The following MICU1 variants were observed in gnomAD, a reference collection of about 807,000 sequenced individuals.
The protein encoded by MICU1 is calcium uptake protein 1, mitochondrial.
A neutral mutation model predicts 56.8 loss-of-function variants in MICU1; 45 were observed. The observed-to-expected ratio is 0.79, with a 90% CI of 0.62 to 1.02. The LOEUF (loss-of-function observed/expected upper bound fraction) is 1.02, where lower values mean the gene tolerates loss of function less well. MICU1 is among the 50% of genes least tolerant of loss of function. The pLI is 0.00. For missense variants in MICU1, 504 were observed against 587.1 expected (o/e 0.86, Z 1.46); for synonymous variants, 186 against 195.1 (o/e 0.95, Z 0.39).
intron 5 of MICU1, among the ~76,000 whole-genome samples, chr10:72,523,186 A>G (rs1245643168): frequency 6.6e-6 from 1 of 152,126 alleles, no homozygotes; most frequent in Non-Finnish European, 1.5e-5. Flanking sequence ...AAGCCATACA[A>G]TTATTAAAGG....
intron 6 of MICU1, among the ~76,000 whole-genome samples, chr10:72,479,784 C>T (rs1866234678): frequency 6.6e-6 from 1 of 152,144 alleles, no homozygotes; most frequent in South Asian, 2.1e-4. Flanking sequence ...GCCTCAGCTC[C>T]CCAAGGTGCT....
intron 5 of MICU1, among the ~76,000 whole-genome samples, chr10:72,526,664 C>T (rs553291719): frequency 6.6e-6 from 1 of 152,212 alleles, no homozygotes; most frequent in South Asian, 2.1e-4. Flanking sequence ...TCAAATGATG[C>T]TATATTTAAC....
intron 7 of MICU1, 138 bp downstream of exon 7, chr10:72,477,036 T>C: frequency 1.8e-6 from 1 of 551,306 alleles, no homozygotes; most frequent in Non-Finnish European, 3.1e-6. Context: ...AAGAATAATT[T>C]TGAGAAATGA....
chr10:72,564,955 C>T (rs1388265412), intron 2 of MICU1, among the ~76,000 whole-genome samples: 1 of 151,928 alleles, frequency 6.6e-6, no homozygotes, highest in African/African-American at 2.4e-5. Context: ...TAGTAACATC[C>T]CAGAAAGATC....
chr10:72,505,075 G>A (rs1867201048), intron 6 of MICU1, among the ~76,000 whole-genome samples: 1 of 151,824 alleles, frequency 6.6e-6, no homozygotes, highest in African/African-American at 2.4e-5. Flanking sequence ...CCGGGTTCAA[G>A]TGATTCTCCT....
At chr10:72,482,066 T>C (rs1385980447) in intron 6 of MICU1, among the ~76,000 whole-genome samples, 2 of 152,188 alleles carry the variant, frequency 1.3e-5, no homozygotes, top group African/African-American at 2.4e-5. Context: ...GAAAAAACCA[T>C]CTTTTTCTAT....
chr10:72,455,350 C>CAAAAAAAA (rs56378605), intron 8 of MICU1, among the ~76,000 whole-genome samples: 3 of 44,192 alleles, frequency 6.8e-5, no homozygotes, highest in Non-Finnish European at 8.7e-5. Flanking sequence ...GACTCTGTCT[C>CAAAAAAAA]AAAAAAAAAA....
intron 9 of MICU1, among the ~76,000 whole-genome samples, chr10:72,415,435 G>GAAA (rs1863953925): frequency 6.6e-6 from 1 of 152,134 alleles, no homozygotes; most frequent in Non-Finnish European, 1.5e-5. Flanking sequence ...ACCTTTCAGA[G>GAAA]GTATTACTAT....
At chr10:72,368,569 A>G (rs1862224338) in intron 11 of MICU1, among the ~76,000 whole-genome samples, 1 of 152,248 alleles carries the variant, frequency 6.6e-6, no homozygotes, top group East Asian at 1.9e-4. Context: ...CAAAAGTTGA[A>G]TGAAAATACA....
chr10:72,459,028 C>T (rs1205982435), intron 8 of MICU1, among the ~76,000 whole-genome samples: 1 of 151,956 alleles, frequency 6.6e-6, no homozygotes, highest in East Asian at 1.9e-4. Flanking sequence ...TGCACCTAGC[C>T]TTCATTAAAA....
intron 8 of MICU1, among the ~76,000 whole-genome samples, chr10:72,435,519 G>C (rs1864682239): frequency 6.6e-6 from 1 of 151,996 alleles, no homozygotes; most frequent in African/African-American, 2.4e-5. Context: ...GAGGTATCTG[G>C]TTCATCTCAC....
intron 1 of MICU1, among the ~76,000 whole-genome samples, chr10:72,569,227 A>ATT (rs1457174727): frequency 0.012 from 474 of 40,488 alleles, 21 homozygotes; most frequent in African/African-American, 0.046. Context: ...ATATATATAT[A>ATT]TATATATATA....
intron 10 of MICU1, among the ~76,000 whole-genome samples, chr10:72,396,272 C>G (rs1863254728): frequency 1.3e-5 from 2 of 152,196 alleles, no homozygotes; most frequent in Non-Finnish European, 1.5e-5. Flanking sequence ...ACCAAAACCC[C>G]AGCTGTAGGT....
intron 1 of MICU1, among the ~76,000 whole-genome samples, chr10:72,623,513 G>A (rs1264038993): frequency 7.2e-5 from 11 of 152,196 alleles, no homozygotes; most frequent in African/African-American, 2.2e-4. Context: ...AGGCCAAGGC[G>A]GGAGGATCGC....
chr10:72,508,341 A>C, intron 5 of MICU1, 72 bp from the exon 6 acceptor site: 1 of 596,628 alleles, frequency 1.7e-6, no homozygotes, highest in Admixed American at 2.8e-5. Flanking sequence ...GTAAGAGATG[A>C]ATCACCATTT....
At chr10:72,428,423 T>C (rs918513496) in intron 8 of MICU1, among the ~76,000 whole-genome samples, 4 of 152,242 alleles carry the variant, frequency 2.6e-5, no homozygotes, top group Admixed American at 6.5e-5. Flanking sequence ...GCAATTCTCC[T>C]GCCTAAGCCT....
chr10:72,470,696 A>C (rs1564888245), intron 8 of MICU1, among the ~76,000 whole-genome samples: 2 of 149,106 alleles, frequency 1.3e-5, no homozygotes, highest in African/African-American at 5.2e-5. Context: ...TTTCCAATAC[A>C]TGAACTTTGA....
At chr10:72,589,722 C>G (rs1841169075) in intron 1 of MICU1, among the ~76,000 whole-genome samples, 1 of 151,840 alleles carries the variant, frequency 6.6e-6, no homozygotes, top group African/African-American at 2.4e-5. Flanking sequence ...ATAGAAAGAC[C>G]AGAAATAGAC....
chr10:72,529,946 CTTTTTTTTT>C (rs11338457), intron 5 of MICU1, among the ~76,000 whole-genome samples: 1 of 100,800 alleles, frequency 9.9e-6, no homozygotes, highest in Non-Finnish European at 1.9e-5. Flanking sequence ...GGGGAAGGTG[CTTTTTTTTT>C]TTTTTTTTTT....
Sources: gnomAD v4.1 joint callset for allele counts (sites outside exome capture counted in the v4.1 genomes callset) on GRCh38, gnomAD v4.1.1 for gene constraint, MANE v1.5 for transcripts, NCBI Gene and HGNC (gene_info 2026-07-23, HGNC 2026-07-21) for gene names.